CRYZL1: variants seen among roughly 807,000 people sequenced by gnomAD.
CRYZL1 encodes the protein ferry endosomal RAB5 effector complex subunit 4.
In CRYZL1, 34 loss-of-function variants were observed where a neutral mutation model predicts 50.6. The observed-to-expected ratio is 0.67, with a 90% CI of 0.51 to 0.89. The LOEUF is 0.89. CRYZL1 is among the 40% of genes least tolerant of loss of function. The pLI is 0.00. For synonymous variants in CRYZL1, 125 were observed against 134.3 expected, an observed-to-expected ratio of 0.93 and a Z score of 0.48; for missense variants, 354 against 402.3, an observed-to-expected ratio of 0.88 and a Z score of 1.03.
At chr21:33,626,439 G>A (rs1042834419) in intron 2 of CRYZL1, among the ~76,000 whole-genome samples, 7 of 151,788 alleles carry the variant, frequency 4.6e-5, no homozygotes, top group African/African-American at 1.7e-4. Context: ...GCTCACGCCT[G>A]TCATCCCAGC....
intron 8 of CRYZL1, 183 bp from the exon 9 acceptor site, chr21:33,599,431 A>C: frequency 1.3e-6 from 1 of 769,190 alleles, no homozygotes; most frequent in South Asian, 1.7e-5. Flanking sequence ...CATCTAACCC[A>C]ATATGGGATA....
chr21:33,628,566 T>C (rs1376612292), intron 2 of CRYZL1, among the ~76,000 whole-genome samples: 1 of 151,854 alleles, frequency 6.6e-6, no homozygotes, highest in Admixed American at 6.6e-5. Context: ...TTATTTTTTA[T>C]AGCTATTATA....
Position 33,589,742 on chromosome 21 carries a change from T to G in CRYZL1, c.*80A>C, listed in dbSNP as rs745989885. ...CAACTTGTTTTATCTTCCTTGGTTT[T>G]TCTCAACAATTTCCAAAGAAAATTC... On this transcript the variant is annotated 3_prime_UTR_variant, in exon 13 of 13. Transcript: ENST00000381554. 7.5e-6 allele frequency: 7 copies of G among 932,122 alleles called. No individual in the cohort carries two copies. The African/African-American group carries it at 1.2e-4, about 15-fold the overall frequency. The allele number at this position is 932,122 out of a possible 1,614,324, so 57.7% of individuals were successfully genotyped here.
intron 11 of CRYZL1, among the ~76,000 whole-genome samples, chr21:33,594,016 A>T: frequency 6.7e-6 from 1 of 149,780 alleles, no homozygotes; most frequent in Non-Finnish European, 1.5e-5. Flanking sequence ...AAAAATCAAA[A>T]CTAATAGCTA....
At chr21:33,625,764 A>C (rs1280909425) in intron 2 of CRYZL1, among the ~76,000 whole-genome samples, 1 of 151,902 alleles carries the variant, frequency 6.6e-6, no homozygotes, top group Non-Finnish European at 1.5e-5. Flanking sequence ...GATTAAAAGC[A>C]TAAGACATAG....
At chr21:33,591,098 C>T in intron 12 of CRYZL1, 64 bp downstream of exon 12, 2 of 1,209,028 alleles carry the variant, frequency 1.7e-6, no homozygotes, top group Non-Finnish European at 2.5e-6. Context: ...AGTGGGACTG[C>T]CTGCCTTAGC....
At chr21:33,622,393 A>T (rs1198937883) in intron 3 of CRYZL1, among the ~76,000 whole-genome samples, 1 of 152,188 alleles carries the variant, frequency 6.6e-6, no homozygotes, top group Non-Finnish European at 1.5e-5. Flanking sequence ...TTGGCTAAAC[A>T]CTATCAGTCA....
intron 6 of CRYZL1, among the ~76,000 whole-genome samples, chr21:33,604,280 C>T (rs1296249503): frequency 7.2e-6 from 1 of 139,234 alleles, no homozygotes; most frequent in African/African-American, 2.7e-5. Context: ...GGTGTGAACC[C>T]GGGAGGCAGA....
chr21:33,614,159 G>A lies in CRYZL1; in HGVS notation c.263-553C>T, dbSNP rs146723973. On this transcript the variant is annotated intron_variant, in intron 5 of 12. Transcript: ENST00000381554. ...TGCATTCCAGCCCGGCCGACAGTGC[G>A]AGACTCTGTGTCAAAAAAAAAAAAA... Among the ~76,000 whole-genome samples, 1,172 of 141,900 alleles carry A rather than the reference G, an allele frequency of 8.3e-3. 5 individuals are homozygous for A. The highest frequency in any genetic ancestry group is 0.015 in the Middle Eastern group (4 of 260). 93.1% of individuals were successfully genotyped at this position (141,900 alleles called of 152,430 possible).
At chr21:33,595,669 G>C in intron 11 of CRYZL1, 62 bp downstream of exon 11, 1 of 1,602,584 alleles carries the variant, frequency 6.2e-7, no homozygotes, top group Non-Finnish European at 8.5e-7. Flanking sequence ...TTATCGTAAT[G>C]AAAGAACTTA....
At chr21:33,624,352 GC>G (rs1415382192) in intron 3 of CRYZL1, among the ~76,000 whole-genome samples, 1 of 152,146 alleles carries the variant, frequency 6.6e-6, no homozygotes, top group Non-Finnish European at 1.5e-5. Flanking sequence ...TTTGAGACCA[GC>G]CTGGCCAACA....
At chr21:33,621,320 C>A (rs2409497) in intron 4 of CRYZL1, among the ~76,000 whole-genome samples, 118,168 of 149,332 alleles carry the variant, frequency 0.79, 47,129 homozygotes, top group African/African-American at 0.93. Flanking sequence ...AAAAAAAAAA[C>A]ATCATGTAAT....
intron 12 of CRYZL1, 25 bp from the exon 13 acceptor site, chr21:33,589,946 G>C (rs2086625431): frequency 5.8e-6 from 8 of 1,370,054 alleles, no homozygotes; most frequent in African/African-American, 2.9e-5. Flanking sequence ...AATTAGAAAT[G>C]TCAGGTCTAG....
At chr21:33,618,109 G>GA (rs764096728) in intron 4 of CRYZL1, among the ~76,000 whole-genome samples, 4 of 151,710 alleles carry the variant, frequency 2.6e-5, no homozygotes, top group Non-Finnish European at 5.9e-5. Context: ...CTAACACGGT[G>GA]AAACCCCATC....
chr21:33,635,369 G>A (rs1385010189), intron 1 of CRYZL1, among the ~76,000 whole-genome samples: 1 of 38,024 alleles, frequency 2.6e-5, no homozygotes, highest in Admixed American at 2.4e-4. Context: ...TTTTTTTTTT[G>A]AGACGGAGTC....
intron 1 of CRYZL1, among the ~76,000 whole-genome samples, chr21:33,635,475 G>A (rs1292597864): frequency 2.0e-5 from 3 of 149,838 alleles, no homozygotes; most frequent in Non-Finnish European, 4.4e-5. Context: ...CTCCGCCTCC[G>A]GAGTAGCTGG....
At chr21:33,627,511 C>A (rs1255181835) in intron 2 of CRYZL1, among the ~76,000 whole-genome samples, 1 of 152,114 alleles carries the variant, frequency 6.6e-6, no homozygotes, top group Non-Finnish European at 1.5e-5. Context: ...TACTTTTAAT[C>A]CCTAAATTTA....
chr21:33,633,258 T>C (rs1047562920), intron 1 of CRYZL1, among the ~76,000 whole-genome samples: 28 of 152,098 alleles, frequency 1.8e-4, no homozygotes, highest in Non-Finnish European at 4.0e-4. Flanking sequence ...GGAAAGTGAG[T>C]CTTAGCTTAA....
chr21:33,608,969 A>G (rs560700348), intron 6 of CRYZL1, among the ~76,000 whole-genome samples: 1 of 152,340 alleles, frequency 6.6e-6, no homozygotes, highest in East Asian at 1.9e-4. Flanking sequence ...ATTCTCACCA[A>G]TAGCGTACAA....
Sources: gnomAD v4.1 joint callset for allele counts (sites outside exome capture counted in the v4.1 genomes callset) on GRCh38, gnomAD v4.1.1 for gene constraint, MANE v1.5 for transcripts, NCBI Gene and HGNC (gene_info 2026-07-23, HGNC 2026-07-21) for gene names.